Variants in TRIM44 observed in about 807,000 individuals in gnomAD.
TRIM44 encodes tripartite motif-containing protein 44.
Under a neutral mutation model 37.4 loss-of-function variants are expected in TRIM44, and 13 were observed. That is an observed-to-expected ratio of 0.35 (90% CI 0.23 to 0.55). The LOEUF is 0.55. TRIM44 is among the 20% of genes least tolerant of loss of function. The pLI, the probability that TRIM44 is intolerant of heterozygous loss-of-function variation, is 0.89. For synonymous variants in TRIM44, 175 were observed against 157.2 expected, an observed-to-expected ratio of 1.11 and a Z score of -0.85; for missense variants, 426 against 437.2, an observed-to-expected ratio of 0.97 and a Z score of 0.23.
At chr11:35,781,472 T>C (rs1853065011) in intron 4 of TRIM44, among the ~76,000 whole-genome samples, 2 of 152,148 alleles carry the variant, frequency 1.3e-5, no homozygotes, top group Admixed American at 1.3e-4. Context: ...CCACATACTT[T>C]AGGCTCAGCC....
intron 2 of TRIM44, among the ~76,000 whole-genome samples, chr11:35,689,581 T>A (rs577877412): frequency 4.6e-5 from 7 of 152,210 alleles, no homozygotes; most frequent in Non-Finnish European, 8.8e-5. Flanking sequence ...TATCTGTAGA[T>A]TGAGTACATT....
At chr11:35,702,726 C>A (rs988460081) in intron 2 of TRIM44, among the ~76,000 whole-genome samples, 2 of 152,202 alleles carry the variant, frequency 1.3e-5, no homozygotes, top group African/African-American at 2.4e-5. Flanking sequence ...ATTTCATTAA[C>A]AATCAAGTGT....
At chr11:35,744,335 T>G (rs535281228) in intron 4 of TRIM44, among the ~76,000 whole-genome samples, 5 of 152,350 alleles carry the variant, frequency 3.3e-5, no homozygotes, top group African/African-American at 1.2e-4. Context: ...TAAAAGATTA[T>G]ATCTTAAATG....
At position 35,698,138 on chromosome 11, in the gene TRIM44, T is replaced by C. The variant is rs563619715; in HGVS notation, c.747+12802T>C. ...CTGTTGTTTCCTGACTTTTTAATGA[T>C]CGCCATTCTAACTGGATGTGCCACA... On this transcript the variant is annotated intron_variant, in intron 2 of 4. Transcript: ENST00000299413. 4.0e-5 allele frequency among the ~76,000 whole-genome samples: 6 copies of C among 150,412 alleles called. No homozygotes were observed. In the South Asian group the frequency reaches 8.4e-4, roughly 21 times the overall value.
intron 3 of TRIM44, among the ~76,000 whole-genome samples, chr11:35,732,838 A>T (rs193201206): frequency 3.0e-4 from 45 of 152,308 alleles, no homozygotes; most frequent in African/African-American, 9.1e-4. Context: ...GTGCCAACCT[A>T]TTCAAAACGG....
Position 35,764,715 on chromosome 11 carries a change from A to G in TRIM44, c.1007+29270A>G, listed in dbSNP as rs566333057. 7.9e-5 allele frequency among the ~76,000 whole-genome samples: 12 copies of G among 152,288 alleles called. No homozygotes were observed. The East Asian group carries it at 1.5e-3, about 20-fold the overall frequency. On this transcript the variant is annotated intron_variant, in intron 4 of 4. Transcript: ENST00000299413. The stretch of plus-strand genomic sequence containing the variant: ...AAGAGGAAGACGGTTTGCACCTTGC[A>G]TCGTAGGAAGTAGTTTACAAAGCTG...
At chr11:35,700,475 G>C (rs1184627686) in intron 2 of TRIM44, among the ~76,000 whole-genome samples, 1 of 152,100 alleles carries the variant, frequency 6.6e-6, no homozygotes, top group South Asian at 2.1e-4. Context: ...CACACACCTT[G>C]CTTGTAAAAC....
chr11:35,785,069 C>T (rs780436121), intron 4 of TRIM44, among the ~76,000 whole-genome samples: 1 of 152,166 alleles, frequency 6.6e-6, no homozygotes, highest in Non-Finnish European at 1.5e-5. Context: ...AAATACTTGT[C>T]CTGTACTGAC....
chr11:35,725,537 T>C (rs1852163958), intron 2 of TRIM44, among the ~76,000 whole-genome samples: 1 of 152,236 alleles, frequency 6.6e-6, no homozygotes, highest in East Asian at 1.9e-4. Flanking sequence ...GGTTTCCTCA[T>C]GTTGGCCAGG....
chr11:35,695,739 G>C (rs911781001), intron 2 of TRIM44, among the ~76,000 whole-genome samples: 3 of 152,000 alleles, frequency 2.0e-5, no homozygotes, highest in Admixed American at 6.6e-5. Context: ...AGGAAATTTG[G>C]TTATTTCTGT....
At chr11:35,755,026 G>T (rs1852615190) in intron 4 of TRIM44, among the ~76,000 whole-genome samples, 1 of 152,154 alleles carries the variant, frequency 6.6e-6, no homozygotes, top group Non-Finnish European at 1.5e-5. Context: ...ACCCAGTAAT[G>T]GGATGGCTGG....
intron 2 of TRIM44, among the ~76,000 whole-genome samples, chr11:35,699,266 G>GCTTCATC (rs1851748794): frequency 6.6e-6 from 1 of 152,106 alleles, no homozygotes; most frequent in Non-Finnish European, 1.5e-5. Context: ...TTGGCAATGG[G>GCTTCATC]CTTCATCCCT....
rs1851870297 is a variant in TRIM44, at chr11:35,705,718, A to C, written c.748-20206A>C. ...AAAGATGTTCTTTGAAACCAACGAG[A>C]ACAAAGACACAACATACCAGAATCT... On this transcript the variant is annotated intron_variant, in intron 2 of 4. Transcript: ENST00000299413. 1.4e-5 allele frequency among the ~76,000 whole-genome samples: 2 copies of C among 147,890 alleles called. 1 individual carries two copies. Among genetic ancestry groups the C allele is most frequent in the Non-Finnish European group, 3.0e-5 (2 of 65,770 alleles).
chr11:35,731,851 A>T (rs975171849), intron 3 of TRIM44, among the ~76,000 whole-genome samples: 2 of 152,110 alleles, frequency 1.3e-5, no homozygotes, highest in African/African-American at 4.8e-5. Flanking sequence ...AACTTGAAAC[A>T]TATTTGTACT....
In TRIM44 at chr11:35,663,398, G is replaced by A. The variant is rs1253695146; in HGVS notation, c.287G>A (p.Gly96Glu). The change falls in exon 1 of 5, where the codon GGG becomes GAG. Residue 96 changes from glycine (G) to glutamate (E), a missense_variant. This residue lies in a region of TRIM44 where 331 missense variants were observed against 303.0 expected (regional missense o/e 1.09). Coordinates refer to ENST00000299413, the MANE Select transcript of TRIM44 (RefSeq NM_017583.6). The stretch of plus-strand genomic sequence containing the variant: ...GAGAGGGAGATAGAAAGCGAGGCAG[G>A]GGAAGAGAGTGAGTCGGAGGAAGAG... ...EQEREIESEAGEESESEEESE... is the reference protein window; with the variant it reads ...EQEREIESEAEEESESEEESE... The A allele has an allele frequency of 6.2e-7, 1 of 1,600,416 alleles. No homozygotes were observed. Among genetic ancestry groups the A allele is most frequent in the Non-Finnish European group, 8.5e-7 (1 of 1,172,972 alleles).
At chr11:35,735,117 C>T (rs1852312235) in intron 3 of TRIM44, among the ~76,000 whole-genome samples, 1 of 152,202 alleles carries the variant, frequency 6.6e-6, no homozygotes, top group African/African-American at 2.4e-5. Flanking sequence ...TCTCACTTTG[C>T]TAAGAACTAA....
intron 2 of TRIM44, among the ~76,000 whole-genome samples, chr11:35,695,335 G>A (rs1422216500): frequency 6.6e-6 from 1 of 152,120 alleles, no homozygotes. Context: ...TAACTGATGG[G>A]TTATCTTGGG....
intron 2 of TRIM44, among the ~76,000 whole-genome samples, chr11:35,713,424 G>A (rs563304280): frequency 3.6e-4 from 54 of 151,830 alleles, no homozygotes; most frequent in Non-Finnish European, 7.4e-5. Flanking sequence ...TTTGCCTATA[G>A]AAGATGTATT....
chr11:35,748,722 C>T (rs998651487), intron 4 of TRIM44, among the ~76,000 whole-genome samples: 8 of 152,124 alleles, frequency 5.3e-5, no homozygotes, highest in Admixed American at 2.6e-4. Flanking sequence ...TAAAATATCC[C>T]GAATGAACAA....
Sources: gnomAD v4.1 joint callset for allele counts (sites outside exome capture counted in the v4.1 genomes callset) on GRCh38, gnomAD v4.1.1 for gene constraint, gnomAD v4.1.1 regional missense constraint, MANE v1.5 for transcripts, NCBI Gene and HGNC (gene_info 2026-07-23, HGNC 2026-07-21) for gene names.